Variants in CCDC180 observed in about 807,000 individuals in gnomAD.
The protein encoded by CCDC180 is coiled-coil domain-containing protein 180.
CCDC180 carries 154 observed loss-of-function variants against 209.2 expected under a neutral mutation model. That is an observed-to-expected ratio of 0.74 (90% CI 0.65 to 0.84). The LOEUF is 0.84. Among genes scored for constraint, CCDC180 ranks in the 40% least tolerant of loss-of-function variants. The probability of loss-of-function intolerance (pLI) is 0.00; values close to 1 mark genes in which losing one functional copy is unlikely to be tolerated. For missense variants in CCDC180, 1,874 were observed against 1,997.3 expected, an observed-to-expected ratio of 0.94 and a Z score of 1.18; for synonymous variants, 778 against 749.1, an observed-to-expected ratio of 1.04 and a Z score of -0.63.
At chr9:97,365,317 C>T in intron 29 of CCDC180, 1 of 224,942 alleles carries the variant, frequency 4.4e-6, no homozygotes, top group East Asian at 1.1e-4. Context: ...TTACAGTCTG[C>T]TGGGAGAGAT....
At chr9:97,343,284 C>G in intron 18 of CCDC180, 56 bp from the exon 19 acceptor site, 1 of 1,180,510 alleles carries the variant, frequency 8.5e-7, no homozygotes, top group South Asian at 1.3e-5. Flanking sequence ...CTGTGGTTGG[C>G]ATTCCCAAGT....
intron 26 of CCDC180, among the ~76,000 whole-genome samples, chr9:97,360,570 A>C (rs142291504): frequency 2.0e-4 from 31 of 152,140 alleles, no homozygotes; most frequent in South Asian, 1.7e-3. Flanking sequence ...TGGTCAGACC[A>C]TGTCACTTCC....
chr9:97,375,312 A>G, intron 35 of CCDC180, 142 bp from the exon 36 acceptor site: 1 of 1,095,138 alleles, frequency 9.1e-7, no homozygotes, highest in Non-Finnish European at 1.3e-6. Context: ...ATTCACATTC[A>G]GTATGTTTTT....
Position 97,374,577 on chromosome 9 carries a change from C to T in CCDC180, c.4635C>T (p.Leu1545=), listed in dbSNP as rs772553071. 7.4e-6 allele frequency: 12 copies of T among 1,614,090 alleles called. No homozygotes were observed. The highest frequency in any genetic ancestry group is 1.0e-5 in the Non-Finnish European group (12 of 1,179,998). Reference sequence around the variant, plus strand: ...CCCCCAAACAGAAATTATCAATGCTCATACGAAGGAAACTCGCTGGGCTCT... The same window carrying T: ...CCCCCAAACAGAAATTATCAATGCTTATACGAAGGAAACTCGCTGGGCTCT... ...MEPPKQKLSM[L]IRRKLAGLSL... The change falls in exon 35 of 37, where the codon CTC becomes CTT. Residue 1545 remains leucine, a synonymous_variant. Coordinates refer to ENST00000529487, the MANE Select transcript of CCDC180 (RefSeq NM_020893.6).
chr9:97,333,240 T>G (rs1415635461), intron 18 of CCDC180, among the ~76,000 whole-genome samples: 1 of 152,194 alleles, frequency 6.6e-6, no homozygotes, highest in Non-Finnish European at 1.5e-5. Flanking sequence ...TGAATTCGCT[T>G]TTTGATGTAC....
chr9:97,318,047 C>G (rs926186330), intron 9 of CCDC180, among the ~76,000 whole-genome samples: 1 of 152,262 alleles, frequency 6.6e-6, no homozygotes, highest in African/African-American at 2.4e-5. Flanking sequence ...TTACTGAGTG[C>G]CCACAAGTGC....
At chr9:97,358,951 A>T (rs1826670636) in intron 25 of CCDC180, among the ~76,000 whole-genome samples, 1 of 152,136 alleles carries the variant, frequency 6.6e-6, no homozygotes, top group South Asian at 2.1e-4. Flanking sequence ...ATGACTCTTG[A>T]AAAAAGCGTA....
At chr9:97,329,981 T>C (rs1237793623) in intron 16 of CCDC180, among the ~76,000 whole-genome samples, 173 bp from the exon 17 acceptor site, 1 of 144,492 alleles carries the variant, frequency 6.9e-6, no homozygotes, top group Non-Finnish European at 1.5e-5. Flanking sequence ...GGCGGGAGAA[T>C]GGTGTGAACC....
At chr9:97,347,027 T>C (rs1826278503) in intron 19 of CCDC180, among the ~76,000 whole-genome samples, 1 of 152,194 alleles carries the variant, frequency 6.6e-6, no homozygotes, top group African/African-American at 2.4e-5. Flanking sequence ...TGGAAAACAG[T>C]TTGGCCATAT....
chr9:97,326,471 C>A, intron 14 of CCDC180, 83 bp from the exon 15 acceptor site: 1 of 811,842 alleles, frequency 1.2e-6, no homozygotes, highest in Non-Finnish European at 2.1e-6. Context: ...TCAGTTCCAG[C>A]AGCAGGGTCC....
intron 19 of CCDC180, 105 bp downstream of exon 19, chr9:97,343,668 G>GA: frequency 1.1e-6 from 1 of 884,768 alleles, no homozygotes; most frequent in Non-Finnish European, 1.7e-6. Flanking sequence ...GTTGGATAAA[G>GA]AAAAAAATGT....
chr9:97,375,710 C>A, intron 36 of CCDC180, 121 bp downstream of exon 36: 2 of 1,169,016 alleles, frequency 1.7e-6, no homozygotes, highest in Non-Finnish European at 2.4e-6. Context: ...CAACACATGT[C>A]AGCACACCCC....
At position 97,318,567 on chromosome 9, in the gene CCDC180, A is replaced by G. The variant is rs963320818; in HGVS notation, c.1064A>G (p.His355Arg). ...QNVLQQRRLK[H>R]LCTICDLLPP... ...GTCCTGCAGCAAAGGCGGCTGAAGCATCTCTGCACCATCTGGTATGGGCAG... is the reference window on the plus strand; with the variant it reads ...GTCCTGCAGCAAAGGCGGCTGAAGCGTCTCTGCACCATCTGGTATGGGCAG... Residue 355 changes from histidine to arginine, a missense_variant, in exon 10 of 37, where the codon CAT (histidine) becomes CGT (arginine). By Grantham distance (29) the His-to-Arg change is conservative. Coordinates refer to ENST00000529487, the MANE Select transcript of CCDC180 (RefSeq NM_020893.6). 5.6e-6 allele frequency: 9 copies of G among 1,612,922 alleles called. No individual in the cohort carries two copies. Among genetic ancestry groups the G allele is most frequent in the South Asian group, 1.1e-5 (1 of 91,088 alleles).
At chr9:97,363,962 C>T in intron 28 of CCDC180, 89 bp from the exon 29 acceptor site, 2 of 1,343,414 alleles carry the variant, frequency 1.5e-6, no homozygotes, top group East Asian at 2.3e-5. Flanking sequence ...CCCAATGCCT[C>T]CAGAAACCCA....
chr9:97,338,658 T>C (rs1181477589), intron 18 of CCDC180, among the ~76,000 whole-genome samples: 1 of 152,178 alleles, frequency 6.6e-6, no homozygotes, highest in African/African-American at 2.4e-5. Context: ...GGTGGAGAGT[T>C]CTGTAGATGT....
At chr9:97,360,215 G>C in intron 26 of CCDC180, 114 bp downstream of exon 26, 1 of 1,258,744 alleles carries the variant, frequency 7.9e-7, no homozygotes, top group Admixed American at 2.2e-5. Flanking sequence ...AGGCCTCCGC[G>C]GGACATCAGG....
chr9:97,357,090 G>A (rs1826605060), intron 24 of CCDC180, among the ~76,000 whole-genome samples: 1 of 152,240 alleles, frequency 6.6e-6, no homozygotes, highest in Non-Finnish European at 1.5e-5. Context: ...TGTTATGAAA[G>A]GTGATGCTGT....
At chr9:97,343,757 C>T in intron 19 of CCDC180, 194 bp downstream of exon 19, 1 of 574,298 alleles carries the variant, frequency 1.7e-6, no homozygotes, top group Non-Finnish European at 3.1e-6. Flanking sequence ...TCACAGATAT[C>T]TTCTGTGAGA....
At chr9:97,356,018 G>A (rs928147317) in intron 24 of CCDC180, among the ~76,000 whole-genome samples, 1 of 152,110 alleles carries the variant, frequency 6.6e-6, no homozygotes, top group African/African-American at 2.4e-5. Flanking sequence ...TTCGAGGGTG[G>A]GGGTCCTGGC....
Sources: allele counts gnomAD v4.1 joint callset (sites outside exome capture counted in the v4.1 genomes callset), GRCh38; gene constraint gnomAD v4.1.1; transcripts MANE v1.5; gene names NCBI Gene and HGNC (gene_info 2026-07-23, HGNC 2026-07-21).